KCNT1: variants seen among roughly 807,000 people sequenced by gnomAD.
KCNT1 encodes the protein potassium channel subfamily T member 1.
Under a neutral mutation model 147.8 loss-of-function variants are expected in KCNT1, and 78 were observed. The observed-to-expected ratio is 0.53, with a 90% CI of 0.44 to 0.64. KCNT1 has a LOEUF of 0.64. Among genes scored for constraint, KCNT1 ranks in the 30% least tolerant of loss-of-function variants. The pLI is 0.00. For missense variants in KCNT1, 1,419 were observed against 1,750.3 expected (o/e 0.81, Z 3.38); for synonymous variants, 867 against 748.8 (o/e 1.16, Z -2.58).
chr9:135,739,560 C>T (rs919127073), intron 2 of KCNT1, among the ~76,000 whole-genome samples: 2 of 152,128 alleles, frequency 1.3e-5, no homozygotes, highest in Non-Finnish European at 2.9e-5. Flanking sequence ...CCCGGGCACA[C>T]GCCCGGCGCC....
In KCNT1 at chr9:135,714,609, A is replaced by T. The variant is rs762875063; in HGVS notation, c.143A>T (p.Asp48Val). 7 of 1,441,922 alleles carry T rather than the reference A, an allele frequency of 4.9e-6. No individual in the cohort carries two copies. The highest frequency in any genetic ancestry group is 6.5e-6 in the Non-Finnish European group (7 of 1,084,428). The allele number at this position is 1,441,922 out of a possible 1,614,324, so 89.3% of individuals were successfully genotyped here. A position where few individuals can be genotyped will look rare whatever the true frequency, so the allele number is the denominator to read the frequency against. The change falls in exon 2 of 31, where the codon GAC becomes GTC. Residue 48 changes from aspartate to valine, a missense_variant. This residue lies in a region of KCNT1 where 181 missense variants were observed against 155.7 expected (regional missense o/e 1.16). Transcript: ENST00000371757. This position sits in a 1 kb window ranked among gnomAD's most constrained non-coding sequence, Gnocchi z 6.2. ...RPCAGDGALL[D>V]TAGFKMSDLD... ...TGCGCGGGGGACGGCGCGCTCCTGG[A>T]CACCGCCGGCTTCAAGATGAGCGAC...
chr9:135,747,354 G>A lies in KCNT1; in HGVS notation c.255-2744G>A, dbSNP rs534596460. Among the ~76,000 whole-genome samples the A allele has an allele frequency of 8.5e-5, 13 of 152,158 alleles. No individual in the cohort carries two copies. The East Asian group carries it at 2.3e-3, about 27-fold the overall frequency. On this transcript the variant is annotated intron_variant, in intron 2 of 30. Transcript: ENST00000371757. Reference sequence around the variant, plus strand: ...CGGGACAGTGGTAGGGAGGCGGGGAGGGTGGGTTCCTAAGCTCCATGCTTT... The same window carrying A: ...CGGGACAGTGGTAGGGAGGCGGGGAAGGTGGGTTCCTAAGCTCCATGCTTT...
intron 1 of KCNT1, among the ~76,000 whole-genome samples, chr9:135,710,913 C>G (rs1481968814): frequency 6.6e-6 from 1 of 152,198 alleles, no homozygotes; most frequent in East Asian, 1.9e-4. Flanking sequence ...CAGTCCATCT[C>G]TCAGGAACGC....
chr9:135,727,049 CT>C (rs1349253076), intron 2 of KCNT1, among the ~76,000 whole-genome samples: 1 of 57,120 alleles, frequency 1.8e-5, no homozygotes, highest in East Asian at 6.0e-4. Context: ...CTCTCTCTCT[CT>C]CCCTCTCTCC....
intron 21 of KCNT1, 44 bp downstream of exon 21, chr9:135,777,554 C>G: frequency 6.4e-7 from 1 of 1,571,446 alleles, no homozygotes; most frequent in Non-Finnish European, 8.6e-7. Context: ...CCCGGGCCCT[C>G]AGACCTGCAG....
At position 135,752,625 on chromosome 9, in the gene KCNT1, T is replaced by TGATGGATG. The variant is rs566726485; in HGVS notation, c.435-1305_435-1298dup. Among the ~76,000 whole-genome samples, 795 of 150,750 alleles carry TGATGGATG rather than the reference T, an allele frequency of 5.3e-3. 6 individuals carry two copies. The highest frequency in any genetic ancestry group is 4.8e-3 in the Non-Finnish European group (324 of 67,624). On this transcript the variant is annotated intron_variant, in intron 4 of 30. Transcript: ENST00000371757. This position sits in a 1 kb window ranked among gnomAD's most constrained non-coding sequence, Gnocchi z 5.1. Reference sequence around the variant, plus strand: ...GATGGATGGTTGGATGGATGGTGGATGATGGATGGATGGACGGACGGACGG... The same window carrying TGATGGATG: ...GATGGATGGTTGGATGGATGGTGGATGATGGATGGATGGATGGATGGACGGACGGACGG...
intron 1 of KCNT1, among the ~76,000 whole-genome samples, chr9:135,712,427 G>A (rs1206373957): frequency 2.6e-5 from 4 of 152,160 alleles, no homozygotes; most frequent in Admixed American, 6.5e-5. Context: ...GGAGGACAGC[G>A]CAAGAGAAGA....
chr9:135,753,628 T>G, intron 4 of KCNT1: 1 of 491,978 alleles, frequency 2.0e-6, no homozygotes, highest in East Asian at 3.3e-5. Flanking sequence ...AACCAGTGTG[T>G]TGCTGTTGGG....
chr9:135,735,867 C>G (rs555036194), intron 2 of KCNT1, among the ~76,000 whole-genome samples: 168 of 152,342 alleles, frequency 1.1e-3, no homozygotes, highest in Non-Finnish European at 1.8e-3. Flanking sequence ...CTCCCGGTGC[C>G]AATACCCCCC....
chr9:135,760,607 T>C (rs376148087), intron 11 of KCNT1, among the ~76,000 whole-genome samples: 6 of 152,182 alleles, frequency 3.9e-5, no homozygotes, highest in African/African-American at 1.4e-4. Flanking sequence ...CTAGGGAGCC[T>C]CTGCTGACCC....
intron 2 of KCNT1, among the ~76,000 whole-genome samples, chr9:135,732,020 A>AGAGAGAGAGG (rs1836490571): frequency 1.6e-5 from 2 of 126,314 alleles, no homozygotes; most frequent in African/African-American, 6.1e-5. Flanking sequence ...AGAGAGAGAG[A>AGAGAGAGAGG]GAGAGAGAGA....
intron 9 of KCNT1, among the ~76,000 whole-genome samples, chr9:135,757,956 C>T (rs2131441198): frequency 6.6e-6 from 1 of 152,358 alleles, no homozygotes; most frequent in Admixed American, 6.5e-5. Context: ...CTAACCAGCC[C>T]TCTGACCTGA....
intron 9 of KCNT1, among the ~76,000 whole-genome samples, 153 bp downstream of exon 9, chr9:135,757,534 T>C (rs1390098744): frequency 6.6e-6 from 1 of 152,178 alleles, no homozygotes; most frequent in Non-Finnish European, 1.5e-5. Flanking sequence ...ACTCTGTCTC[T>C]GCTCCTGGAA....
chr9:135,787,540 G>T (rs1390816648), intron 29 of KCNT1, among the ~76,000 whole-genome samples: 1 of 152,214 alleles, frequency 6.6e-6, no homozygotes, highest in East Asian at 1.9e-4. Context: ...CTGGGTCGGG[G>T]TCTTGAGTCC....
chr9:135,734,575 G>A (rs1160327157), intron 2 of KCNT1, among the ~76,000 whole-genome samples: 1 of 152,148 alleles, frequency 6.6e-6, no homozygotes, highest in Non-Finnish European at 1.5e-5. Flanking sequence ...GGACAACACG[G>A]CACAGATGTT....
rs748745850 is a variant in KCNT1 at position 135,775,422 on chromosome 9, CT to C, written c.2349+8del. The C allele has an allele frequency of 2.5e-6, 4 of 1,604,590 alleles. No individual in the cohort carries two copies. The highest frequency in any genetic ancestry group is 3.4e-6 in the Non-Finnish European group (4 of 1,174,256). On this transcript the variant is annotated splice_region_variant and intron_variant, in intron 20 of 30. Coordinates refer to ENST00000371757, the MANE Select transcript of KCNT1 (RefSeq NM_020822.3). ...CTGCCTGCGGCTGGACAAGGTAAGG[CT>C]GGCGGCTCTGCCGCGCTCTGCACCC...
chr9:135,714,704 T>C lies in KCNT1; in HGVS notation c.238T>C (p.Phe80Leu), dbSNP rs1454449324. 12 of 1,444,288 alleles carry C rather than the reference T, an allele frequency of 8.3e-6. No individual in the cohort carries two copies. Among genetic ancestry groups the C allele is most frequent in the African/African-American group, 1.5e-5 (1 of 66,884 alleles). The allele number at this position is 1,444,288 out of a possible 1,614,324, so 89.5% of individuals were successfully genotyped here. ...FRDLLLGDPS[F>L]QNDDRVQVEF... is the part of the protein sequence containing the mutation. ...GGACCTGCTGCTGGGCGACCCGTCCTTCCAGAACGACGACAGGTAGGGACC... is the reference window on the plus strand; with the variant it reads ...GGACCTGCTGCTGGGCGACCCGTCCCTCCAGAACGACGACAGGTAGGGACC... Residue 80 changes from phenylalanine to leucine, a missense_variant, in exon 2 of 31, where the codon TTC becomes CTC. Phe to Leu is a conservative substitution (Grantham distance 22). Coordinates refer to ENST00000371757, the MANE Select transcript of KCNT1 (RefSeq NM_020822.3). The surrounding 1 kb of genome is among the most constrained non-coding windows in gnomAD (Gnocchi z 6.2).
At chr9:135,774,363 T>C (rs1231647523) in intron 19 of KCNT1, among the ~76,000 whole-genome samples, 2 of 143,568 alleles carry the variant, frequency 1.4e-5, no homozygotes, top group African/African-American at 5.3e-5. Context: ...GTGCGTGTTG[T>C]GTCTGTGTGT....
At chr9:135,710,261 T>G (rs1835432634) in intron 1 of KCNT1, among the ~76,000 whole-genome samples, 1 of 152,156 alleles carries the variant, frequency 6.6e-6, no homozygotes, top group African/African-American at 2.4e-5. Flanking sequence ...TGTCCTTGGT[T>G]TGGGGCTGCA....
Sources: gnomAD v4.1 joint callset for allele counts (sites outside exome capture counted in the v4.1 genomes callset) on GRCh38, gnomAD v4.1.1 for gene constraint, gnomAD v4.1.1 regional missense constraint, Gnocchi (gnomAD v3.1) non-coding constraint, MANE v1.5 for transcripts, NCBI Gene and HGNC (gene_info 2026-07-23, HGNC 2026-07-21) for gene names.